The following TEX14 variants were observed in gnomAD, a reference collection of about 807,000 sequenced individuals.
TEX14 encodes testis expressed 14, intercellular bridge forming factor.
In TEX14, 168 loss-of-function variants were observed where a neutral mutation model predicts 178.6. The observed-to-expected ratio is 0.94, with a 90% CI of 0.83 to 1.07. TEX14 has a LOEUF of 1.07. Among genes scored for constraint, TEX14 ranks in the 50% least tolerant of loss-of-function variants. The pLI, the probability that TEX14 is intolerant of heterozygous loss-of-function variation, is 0.00. For synonymous variants in TEX14, 626 were observed against 634.1 expected (o/e 0.99, Z 0.19); for missense variants, 1,730 against 1,753.6 (o/e 0.99, Z 0.24).
chr17:58,641,611 A>T (rs2046579344), intron 2 of TEX14, among the ~76,000 whole-genome samples: 1 of 151,476 alleles, frequency 6.6e-6, no homozygotes, highest in African/African-American at 2.4e-5. Context: ...GGTTCAAGTG[A>T]TTCTCCTGCC....
rs779132914 is a variant in TEX14 at position 58,601,945 on chromosome 17, T to G, written c.1539A>C (p.Gly513=). The change falls in exon 13 of 32, where the codon GGA becomes GGC. Residue 513 remains glycine, a synonymous_variant. Coordinates refer to ENST00000349033, the MANE Select transcript of TEX14 (RefSeq NM_031272.5). The part of the protein sequence containing the change: ...ILKNDLKDFT[G]AQRTQPTESP... ...TCTCGGTTGGTTGAGTTCTCTGGGC[T>G]CCAGTAAAATCCTGTAACACAGGAA... 2 of 1,612,884 alleles carry G rather than the reference T, an allele frequency of 1.2e-6. No individual in the cohort carries two copies. The highest frequency in any genetic ancestry group is 1.1e-5 in the South Asian group (1 of 91,000).
intron 1 of TEX14, among the ~76,000 whole-genome samples, chr17:58,680,237 T>A (rs1191920277): frequency 6.6e-6 from 1 of 152,122 alleles, no homozygotes; most frequent in African/African-American, 2.4e-5. Context: ...TTAAACAAGC[T>A]GCTATACACG....
intron 7 of TEX14, 120 bp from the exon 8 acceptor site, chr17:58,615,465 A>T: frequency 1.5e-6 from 1 of 678,200 alleles, no homozygotes; most frequent in South Asian, 1.6e-5. Flanking sequence ...TGCAATGCCC[A>T]CTGGGCACTA....
intron 2 of TEX14, among the ~76,000 whole-genome samples, chr17:58,644,874 C>T (rs1459527735): frequency 6.6e-6 from 1 of 151,848 alleles, no homozygotes; most frequent in East Asian, 1.9e-4. Flanking sequence ...TGGTCTCGAA[C>T]TCCTGACCTC....
intron 20 of TEX14, among the ~76,000 whole-genome samples, chr17:58,577,785 C>T (rs926727824): frequency 6.6e-6 from 1 of 152,174 alleles, no homozygotes; most frequent in East Asian, 1.9e-4. Flanking sequence ...CAAACTGACC[C>T]GGTTCCTGTC....
At chr17:58,563,263 C>A in intron 28 of TEX14, among the ~76,000 whole-genome samples, 1 of 151,920 alleles carries the variant, frequency 6.6e-6, no homozygotes, top group East Asian at 1.9e-4. Flanking sequence ...CCCTACAACA[C>A]AGGCAAAAAG....
chr17:58,557,739 G>T, intron 31 of TEX14, 60 bp downstream of exon 31: 1 of 1,352,406 alleles, frequency 7.4e-7, no homozygotes, highest in Non-Finnish European at 1.0e-6. Context: ...ATGTTTTTAA[G>T]TCTGCTTCTG....
intron 28 of TEX14, 87 bp downstream of exon 28, chr17:58,564,778 TTTTC>T: frequency 2.7e-6 from 2 of 738,518 alleles, no homozygotes; most frequent in Non-Finnish European, 4.2e-6. Flanking sequence ...ACCCCACTTT[TTTTC>T]TTTCTTATTT....
At chr17:58,649,514 A>T (rs758827411) in intron 2 of TEX14, among the ~76,000 whole-genome samples, 1 of 152,174 alleles carries the variant, frequency 6.6e-6, no homozygotes, top group East Asian at 1.9e-4. Flanking sequence ...ACACAGATGA[A>T]GTCCTGTTCT....
chr17:58,678,163 A>T (rs1176491810), intron 1 of TEX14, among the ~76,000 whole-genome samples: 1 of 152,116 alleles, frequency 6.6e-6, no homozygotes, highest in African/African-American at 2.4e-5. Flanking sequence ...GGGGAAAAAA[A>T]AGGGAAGTTT....
Position 58,587,624 on chromosome 17 carries a change from C to T in TEX14, c.2745G>A (p.Glu915=), listed in dbSNP as rs2045008522. The T allele has an allele frequency of 6.2e-7, 1 of 1,608,042 alleles. No homozygotes were observed. Among genetic ancestry groups the T allele is most frequent in the African/African-American group, 1.3e-5 (1 of 74,634 alleles). Residue 915 remains glutamate, a synonymous_variant, in exon 17 of 32, where the codon GAG becomes GAA. Coordinates refer to ENST00000349033, the MANE Select transcript of TEX14 (RefSeq NM_031272.5). The part of the protein sequence containing the change: ...EPVSSEIYNA[E]SRNKDDGKVH... ...CCTTTCCATCATCTTTATTTCTGGA[C>T]TCTGCATTATAGATTTCAGAAGAAA...
At chr17:58,653,202 C>T (rs542748311) in intron 1 of TEX14, among the ~76,000 whole-genome samples, 28 of 152,312 alleles carry the variant, frequency 1.8e-4, no homozygotes, top group South Asian at 1.0e-3. Flanking sequence ...TCCCAAAGTG[C>T]TGGGATTACA....
At chr17:58,659,317 TA>T in intron 1 of TEX14, 1 of 981,056 alleles carries the variant, frequency 1.0e-6, no homozygotes, top group Non-Finnish European at 1.2e-6. Flanking sequence ...ATTTACTTAA[TA>T]TTGCTAATAC....
At chr17:58,690,937 G>C (rs1222432279) in intron 1 of TEX14, among the ~76,000 whole-genome samples, 1 of 152,112 alleles carries the variant, frequency 6.6e-6, no homozygotes, top group Non-Finnish European at 1.5e-5. Flanking sequence ...CGTGATCATA[G>C]CTCACTCCCA....
chr17:58,653,358 C>T (rs955533914), intron 1 of TEX14, among the ~76,000 whole-genome samples: 6 of 152,122 alleles, frequency 3.9e-5, no homozygotes, highest in Admixed American at 6.6e-5. Context: ...TTTAACTTTC[C>T]AAATGTGACA....
intron 1 of TEX14, among the ~76,000 whole-genome samples, chr17:58,689,615 C>T (rs1252697571): frequency 6.6e-6 from 1 of 152,156 alleles, no homozygotes; most frequent in Admixed American, 6.6e-5. Context: ...TAAACCATTT[C>T]AAATGACTTA....
chr17:58,635,710 A>T (rs974047006), intron 2 of TEX14, among the ~76,000 whole-genome samples: 7 of 151,660 alleles, frequency 4.6e-5, no homozygotes, highest in Admixed American at 1.3e-4. Context: ...GATTACAGGC[A>T]TGAGCCACTG....
Position 58,660,392 on chromosome 17 carries a change from A to C in TEX14, c.-1-8390T>G, listed in dbSNP as rs1293545292. The C allele has an allele frequency of 2.6e-5, 9 of 351,476 alleles. No homozygotes were observed. In the East Asian group the frequency reaches 3.3e-4, roughly 13 times the overall value. The allele number at this position is 351,476 out of a possible 1,614,324, so 21.8% of individuals were successfully genotyped here. A position where few individuals can be genotyped will look rare whatever the true frequency, so the allele number is the denominator to read the frequency against. On this transcript the variant is annotated intron_variant, in intron 1 of 31. Transcript: ENST00000349033. Reference sequence around the variant, plus strand: ...CTCTAACCTGGGCGACAAGTAAAAAACTCCATCTCAAAAAAATAAATAAAA... The same window carrying C: ...CTCTAACCTGGGCGACAAGTAAAAACCTCCATCTCAAAAAAATAAATAAAA...
In TEX14 at chr17:58,599,617, T is replaced by C. The variant is rs572528329; in HGVS notation, c.1728A>G (p.Thr576=). The C allele has an allele frequency of 1.2e-6, 2 of 1,613,798 alleles. No homozygotes were observed. The highest frequency in any genetic ancestry group is 2.2e-5 in the East Asian group (1 of 44,890). Residue 576 remains threonine, a synonymous_variant, in exon 14 of 32, where the codon ACA becomes ACG. Coordinates refer to ENST00000349033, the MANE Select transcript of TEX14 (RefSeq NM_031272.5). ...ATGGATCTGGGGCCTGAGGATCTAG[T>C]GTCCCCTCAGTGAATAAAGAGTGAA... ...PRVHSLFTEG[T]LDPQAPDPCL... is the part of the protein sequence containing the mutation.
Sources: allele counts gnomAD v4.1 joint callset (sites outside exome capture counted in the v4.1 genomes callset), GRCh38; gene constraint gnomAD v4.1.1; transcripts MANE v1.5; gene names NCBI Gene and HGNC (gene_info 2026-07-23, HGNC 2026-07-21).